PRKG1: variants seen among roughly 807,000 people sequenced by gnomAD.
PRKG1 encodes the protein cGMP-dependent protein kinase 1.
Under a neutral mutation model 88.1 loss-of-function variants are expected in PRKG1, and 35 were observed. That is an observed-to-expected ratio of 0.40 (90% CI 0.30 to 0.53). The LOEUF is 0.53. PRKG1 is among the 20% of genes least tolerant of loss of function. The pLI is 0.59. For synonymous variants in PRKG1, 303 were observed against 292.5 expected (o/e 1.04, Z -0.37); for missense variants, 540 against 839.8 (o/e 0.64, Z 4.41).
At chr10:52,220,626 T>G (rs759344322) in intron 9 of PRKG1, among the ~76,000 whole-genome samples, 1 of 152,116 alleles carries the variant, frequency 6.6e-6, no homozygotes, top group Non-Finnish European at 1.5e-5. Context: ...TGTCTATGTA[T>G]TCTCATCATT....
rs1564619743 is a variant in PRKG1, at chr10:51,153,243, G to A, written c.391G>A (p.Val131Met). 1 of 1,612,616 alleles carries A rather than the reference G, an allele frequency of 6.2e-7. No individual in the cohort carries two copies. The highest frequency in any genetic ancestry group is 2.2e-5 in the East Asian group (1 of 44,856). Residue 131 changes from valine to methionine, a missense_variant, in exon 2 of 18, where the codon GTG becomes ATG. By Grantham distance (21) the Val-to-Met change is conservative. Coordinates refer to ENST00000373980, the MANE Select transcript of PRKG1 (RefSeq NM_006258.4). ...NLELSQIQEIVDCMYPVEYGK... is the reference protein window; with the variant it reads ...NLELSQIQEIMDCMYPVEYGK... ...GGAGCTGTCGCAGATCCAGGAGATTGTGGATTGTATGTACCCGGTGGAGTA... is the reference window on the plus strand; with the variant it reads ...GGAGCTGTCGCAGATCCAGGAGATTATGGATTGTATGTACCCGGTGGAGTA...
chr10:52,089,326 T>A (rs1029254928), intron 7 of PRKG1, among the ~76,000 whole-genome samples: 3 of 152,198 alleles, frequency 2.0e-5, no homozygotes, highest in African/African-American at 7.2e-5. Context: ...ATTTTATAAT[T>A]TTTTGTTATC....
chr10:51,439,202 A>G (rs920530720), intron 2 of PRKG1, among the ~76,000 whole-genome samples: 32 of 151,998 alleles, frequency 2.1e-4, no homozygotes, highest in African/African-American at 7.0e-4. Context: ...GAAGGATTAC[A>G]GTTCCTTCAC....
chr10:51,852,230 C>A (rs941655545), intron 4 of PRKG1, among the ~76,000 whole-genome samples: 1 of 132,092 alleles, frequency 7.6e-6, no homozygotes, highest in Non-Finnish European at 1.5e-5. Flanking sequence ...TATATATATA[C>A]ACACACACAC....
At chr10:52,049,016 A>G (rs1435591482) in intron 5 of PRKG1, among the ~76,000 whole-genome samples, 3 of 152,280 alleles carry the variant, frequency 2.0e-5, no homozygotes, top group African/African-American at 7.2e-5. Context: ...CAAAAGAGTA[A>G]TAATTTCAGA....
At chr10:51,529,128 T>A (rs1456413755) in intron 3 of PRKG1, among the ~76,000 whole-genome samples, 1 of 152,136 alleles carries the variant, frequency 6.6e-6, no homozygotes. Flanking sequence ...CACTATTTCC[T>A]GACTTTACTT....
chr10:52,232,077 C>T (rs555629199), intron 9 of PRKG1, among the ~76,000 whole-genome samples: 15 of 152,154 alleles, frequency 9.9e-5, no homozygotes, highest in African/African-American at 2.6e-4. Flanking sequence ...CTGAGGCTGG[C>T]GGATCACCTG....
intron 3 of PRKG1, among the ~76,000 whole-genome samples, chr10:51,532,928 G>A (rs916858769): frequency 6.6e-6 from 1 of 151,846 alleles, no homozygotes; most frequent in African/African-American, 2.4e-5. Context: ...GGGTATTGAT[G>A]AGCAGGATAG....
chr10:51,523,115 T>C (rs1416219901), intron 3 of PRKG1, among the ~76,000 whole-genome samples: 1 of 152,224 alleles, frequency 6.6e-6, no homozygotes, highest in Non-Finnish European at 1.5e-5. Flanking sequence ...ATGATTTTTT[T>C]TTTAACATGG....
At position 51,545,209 on chromosome 10, in the gene PRKG1, C is replaced by T. The variant is rs554626202; in HGVS notation, c.592+77373C>T. Among the ~76,000 whole-genome samples the T allele has an allele frequency of 3.1e-3, 474 of 152,152 alleles. 4 individuals are homozygous for T. The highest frequency in any genetic ancestry group is 0.011 in the African/African-American group (444 of 41,518). ...ATCTACTCGAAAAATAAATGTCATCCTCCCCTTCCCCCAATGCCTGCAATC... is the reference window on the plus strand; with the variant it reads ...ATCTACTCGAAAAATAAATGTCATCTTCCCCTTCCCCCAATGCCTGCAATC... On this transcript the variant is annotated intron_variant, in intron 3 of 17. Transcript: ENST00000373980.
chr10:51,795,792 T>C (rs1380736851), intron 3 of PRKG1, among the ~76,000 whole-genome samples: 1 of 152,130 alleles, frequency 6.6e-6, no homozygotes, highest in Non-Finnish European at 1.5e-5. Flanking sequence ...GAGAAAAAGC[T>C]AATCATACTT....
At chr10:50,992,332 C>T (rs938913002) in intron 1 of PRKG1, among the ~76,000 whole-genome samples, 10 of 152,088 alleles carry the variant, frequency 6.6e-5, no homozygotes, top group Non-Finnish European at 8.8e-5. Flanking sequence ...TGCAAAGAAA[C>T]CCCACCTTCT....
intron 3 of PRKG1, among the ~76,000 whole-genome samples, chr10:51,781,968 C>A (rs1244132367): frequency 1.3e-5 from 2 of 150,918 alleles, no homozygotes; most frequent in African/African-American, 2.4e-5. Context: ...TTCAGTATTG[C>A]CTTAGATGTT....
chr10:52,040,305 A>C (rs947278809), intron 5 of PRKG1, among the ~76,000 whole-genome samples: 1 of 152,234 alleles, frequency 6.6e-6, no homozygotes, highest in African/African-American at 2.4e-5. Context: ...TTTATACTTC[A>C]GATGGTGACT....
At chr10:51,051,418 C>T (rs931550318) in intron 1 of PRKG1, among the ~76,000 whole-genome samples, 1 of 152,080 alleles carries the variant, frequency 6.6e-6, no homozygotes, top group African/African-American at 2.4e-5. Context: ...GAGTGACTAT[C>T]CTTTCCCCAT....
chr10:51,724,869 C>CT (rs556620255), intron 3 of PRKG1, among the ~76,000 whole-genome samples: 59,121 of 110,666 alleles, frequency 0.53, 16,494 homozygotes, highest in Middle Eastern at 0.61. Context: ...AATTTTTGTA[C>CT]TTTTTTTTTT....
chr10:52,271,388 G>A lies in PRKG1; in HGVS notation c.1212G>A (p.Met404Ile). ...LKSEESKTFA[M>I]KILKKRHIVD... ...GTGAAGAATCCAAAACGTTTGCAAT[G>A]AAGATTCTCAAGAAACGTCACATTG... The change falls in exon 11 of 18, where the codon ATG (methionine) becomes ATA (isoleucine). Residue 404 changes from methionine to isoleucine, a missense_variant. Met to Ile is a conservative substitution (Grantham distance 10). Around this residue, in one of 5 missense-constraint regions of PRKG1, gnomAD observed 400 missense variants for 562.7 expected, o/e 0.71. Transcript: ENST00000373980. 1.2e-6 allele frequency: 2 copies of A among 1,612,832 alleles called. No homozygotes were observed. The highest frequency in any genetic ancestry group is 4.5e-5 in the East Asian group (2 of 44,794).
intron 5 of PRKG1, among the ~76,000 whole-genome samples, chr10:52,045,347 A>G (rs1394227272): frequency 6.6e-6 from 1 of 152,098 alleles, no homozygotes; most frequent in Non-Finnish European, 1.5e-5. Context: ...TGAGACTACT[A>G]TCAAGGTAGG....
At chr10:51,332,264 A>G (rs1225705715) in intron 2 of PRKG1, among the ~76,000 whole-genome samples, 2 of 152,200 alleles carry the variant, frequency 1.3e-5, no homozygotes, top group Non-Finnish European at 2.9e-5. Context: ...ATGAGGTCCT[A>G]ATGAAATTCA....
Sources: gnomAD v4.1 joint callset for allele counts (sites outside exome capture counted in the v4.1 genomes callset) on GRCh38, gnomAD v4.1.1 for gene constraint, gnomAD v4.1.1 regional missense constraint, MANE v1.5 for transcripts, NCBI Gene and HGNC (gene_info 2026-07-23, HGNC 2026-07-21) for gene names.